Variants in ARRDC2 observed in about 807,000 individuals in gnomAD.
ARRDC2 encodes arrestin domain-containing protein 2.
Under a neutral mutation model 38.9 loss-of-function variants are expected in ARRDC2, and 39 were observed. The observed-to-expected ratio is 1.00, with a 90% CI of 0.78 to 1.31. The LOEUF is 1.31. Among genes scored for constraint, ARRDC2 ranks in the 50% most tolerant of loss-of-function variants. The pLI, the probability that ARRDC2 is intolerant of heterozygous loss-of-function variation, is 0.00. For missense variants in ARRDC2, 553 were observed against 588.4 expected (o/e 0.94, Z 0.62); for synonymous variants, 300 against 261.9 (o/e 1.15, Z -1.41).
chr19:18,009,507 TCAGCTGGGGGTGGTTTGGAAGCTCCA>T, intron 3 of ARRDC2, 59 bp from the exon 4 acceptor site: 1 of 1,268,334 alleles, frequency 7.9e-7, no homozygotes, highest in Non-Finnish European at 1.1e-6. Flanking sequence ...AAGTCCTCCC[TCAGCTGGGGGTGGTTTGGAAGCTCCA>T]CAGCGACTGT....
chr19:18,008,360 C>A lies in ARRDC2; in HGVS notation c.50C>A (p.Thr17Asn), dbSNP rs1362252695. 6.3e-7 allele frequency: 1 copy of A among 1,596,792 alleles called. No homozygotes were observed. The highest frequency in any genetic ancestry group is 1.6e-4 in the Middle Eastern group (1 of 6,070). The stretch of plus-strand genomic sequence containing the variant: ...TTCTCGGTGCAGTTGGACGGCGCGA[C>A]CGCGGGCGTCGAGCCCGTGTTTAGC... The part of the protein sequence containing the change: ...KAFSVQLDGA[T>N]AGVEPVFSGG... The change falls in exon 1 of 8, where the codon ACC becomes AAC. Residue 17 changes from threonine (T) to asparagine (N), a missense_variant. Coordinates refer to ENST00000222250, the MANE Select transcript of ARRDC2 (RefSeq NM_015683.2).
At chr19:18,001,439 G>A in exon 1 of ARRDC2, 2 of 1,242,194 alleles carry the variant, frequency 1.6e-6, no homozygotes, top group Non-Finnish European at 1.0e-6. Flanking sequence ...CTGCGGGTGC[G>A]AGCGCTCGAG....
chr19:18,011,948 ATATATTTTT>A (rs1247095171), intron 7 of ARRDC2, among the ~76,000 whole-genome samples: 1 of 55,098 alleles, frequency 1.8e-5, no homozygotes, highest in African/African-American at 7.2e-5. Flanking sequence ...ATATATATAT[ATATATTTTT>A]TTTTTTTTTT....
chr19:18,011,074 C>G (rs976998679), intron 7 of ARRDC2, among the ~76,000 whole-genome samples: 2 of 152,184 alleles, frequency 1.3e-5, no homozygotes, highest in Admixed American at 1.3e-4. Context: ...TCTCAGCTCA[C>G]TTCAACTTCC....
At chr19:18,008,138 C>CCCG, upstream of ARRDC2, 7 of 1,339,226 alleles carry the variant, frequency 5.2e-6, no homozygotes, top group Non-Finnish European at 6.7e-6. Context: ...CCCGCCCTGC[C>CCCG]GTATAAAAGC....
At chr19:18,003,842 T>C (rs995789901), upstream of ARRDC2, among the ~76,000 whole-genome samples, 7 of 151,950 alleles carry the variant, frequency 4.6e-5, no homozygotes, top group Non-Finnish European at 1.0e-4. Flanking sequence ...GGTTTCACCA[T>C]GTTAGCCAGA....
At chr19:18,010,382 G>A (rs1462384882) in intron 6 of ARRDC2, 24 bp downstream of exon 6, 4 of 1,600,108 alleles carry the variant, frequency 2.5e-6, no homozygotes, top group East Asian at 2.2e-5. Flanking sequence ...CTGCTTGCAT[G>A]CAGAGGGTGG....
chr19:18,007,936 G>A (rs1015442814), upstream of ARRDC2: 58 of 348,924 alleles, frequency 1.7e-4, no homozygotes, highest in African/African-American at 1.1e-3. Context: ...TTACCCCCGG[G>A]GTCCGCGAGA....
Position 18,010,043 on chromosome 19 carries a change from G to C in ARRDC2, c.849+4G>C. On this transcript the variant is annotated splice_donor_region_variant and intron_variant, in intron 5 of 7. Transcript: ENST00000222250. ...ACACGTGGACTACGCACTCAAGGTA[G>C]GGCATCCTGCTGGCCCTGGGGGACA... 6.2e-7 allele frequency: 1 copy of C among 1,603,414 alleles called. No homozygotes were observed. The highest frequency in any genetic ancestry group is 8.5e-7 in the Non-Finnish European group (1 of 1,179,446).
chr19:18,001,428 G>C, exon 1 of ARRDC2: 1 of 1,234,106 alleles, frequency 8.1e-7, no homozygotes, highest in South Asian at 3.6e-5. Flanking sequence ...CGGCGGCGCC[G>C]CTGCGGGTGC....
At chr19:18,008,114 T>TGCGG, upstream of ARRDC2, 1 of 1,056,198 alleles carries the variant, frequency 9.5e-7, no homozygotes, top group Non-Finnish European at 1.3e-6. Flanking sequence ...GAAGAGACGG[T>TGCGG]GACCCCACCC....
At chr19:18,012,031 A>G (rs2033425597) in intron 7 of ARRDC2, among the ~76,000 whole-genome samples, 2 of 136,098 alleles carry the variant, frequency 1.5e-5, no homozygotes, top group South Asian at 4.6e-4. Context: ...ATCTCGGCTC[A>G]CTGCAATCTC....
At position 18,009,898 on chromosome 19, in the gene ARRDC2, A is replaced by G. The variant is rs773605908; in HGVS notation, c.708A>G (p.Lys236=). ...TFMARGARKQ[K]RAVVASLAGE... ...TGGCCCGAGGCGCCCGAAAGCAGAAACGGGCAGTGGTGGCCAGCCTCGCGG... is the reference window on the plus strand; with the variant it reads ...TGGCCCGAGGCGCCCGAAAGCAGAAGCGGGCAGTGGTGGCCAGCCTCGCGG... Residue 236 remains lysine (K), a synonymous_variant, in exon 5 of 8, where the codon AAA becomes AAG. Transcript: ENST00000222250. 1 of 1,609,936 alleles carries G rather than the reference A, an allele frequency of 6.2e-7. No individual in the cohort carries two copies. The highest frequency in any genetic ancestry group is 1.1e-5 in the South Asian group (1 of 91,066).
At chr19:18,008,621 G>C in intron 1 of ARRDC2, 37 bp downstream of exon 1, 2 of 1,598,878 alleles carry the variant, frequency 1.3e-6, no homozygotes, top group Non-Finnish European at 1.7e-6. Flanking sequence ...CACCAGTTGT[G>C]TGCCTCCCAC....
At chr19:18,010,440 T>C in intron 6 of ARRDC2, 82 bp downstream of exon 6, 1 of 1,557,796 alleles carries the variant, frequency 6.4e-7, no homozygotes, top group Non-Finnish European at 8.7e-7. Flanking sequence ...TCACCACGAG[T>C]CCCCCGGAAT....
At chr19:18,001,186 T>C in exon 1 of ARRDC2, 1 of 1,032,690 alleles carries the variant, frequency 9.7e-7, no homozygotes. Context: ...CGGCCCAAGT[T>C]CGCCGGGGGG....
chr19:18,006,007 G>A (rs1307228759), upstream of ARRDC2, among the ~76,000 whole-genome samples: 266 of 150,992 alleles, frequency 1.8e-3, 3 homozygotes, highest in African/African-American at 6.3e-3. Context: ...GGGCAGAGGC[G>A]CTCCCCACAT....
chr19:18,009,688 A>T lies in ARRDC2; in HGVS notation c.586A>T (p.Thr196Ser), dbSNP rs760638491. The T allele has an allele frequency of 6.2e-7, 1 of 1,611,916 alleles. No homozygotes were observed. The highest frequency in any genetic ancestry group is 8.5e-7 in the Non-Finnish European group (1 of 1,178,592). Residue 196 changes from threonine to serine, a missense_variant, in exon 4 of 8, where the codon ACC becomes TCC. By Grantham distance (58) the Thr-to-Ser change is moderately conservative. Around this residue, in one of 3 missense-constraint regions of ARRDC2, gnomAD observed 447 missense variants for 456.6 expected, o/e 0.98. Coordinates refer to ENST00000222250, the MANE Select transcript of ARRDC2 (RefSeq NM_015683.2). ...GGCCAAGATCGACCGCAAGGGCTAC[A>T]CCCCAGGTAGCAGGCGGACCGGACT... is the stretch of plus-strand genomic sequence containing the variant. ...LSAKIDRKGY[T>S]PGEVIPVFAE...
upstream of ARRDC2, among the ~76,000 whole-genome samples, chr19:18,005,028 T>A (rs954281011): frequency 3.4e-5 from 5 of 147,982 alleles, no homozygotes; most frequent in African/African-American, 7.5e-5. Flanking sequence ...TTTTTTTTTT[T>A]AATTGATCAT....
Sources: gnomAD v4.1 joint callset for allele counts (sites outside exome capture counted in the v4.1 genomes callset) on GRCh38, gnomAD v4.1.1 for gene constraint, gnomAD v4.1.1 regional missense constraint, MANE v1.5 for transcripts, NCBI Gene and HGNC (gene_info 2026-07-23, HGNC 2026-07-21) for gene names.